LRRC4C: variants seen among roughly 807,000 people sequenced by gnomAD.
The protein encoded by LRRC4C is leucine-rich repeat-containing protein 4C.
LRRC4C carries 5 observed loss-of-function variants against 33.6 expected under a neutral mutation model. That is an observed-to-expected ratio of 0.15 (90% CI 0.08 to 0.31). LRRC4C has a LOEUF of 0.31. Ranked by LOEUF, LRRC4C falls within the 10% of genes least tolerant of loss-of-function variation. The probability of loss-of-function intolerance (pLI) is 1.00; values close to 1 mark genes in which losing one functional copy is unlikely to be tolerated. For missense variants in LRRC4C, 560 were observed against 796.7 expected, an observed-to-expected ratio of 0.70 and a Z score of 3.58; for synonymous variants, 329 against 302.0, an observed-to-expected ratio of 1.09 and a Z score of -0.93.
intron 6 of LRRC4C, among the ~76,000 whole-genome samples, chr11:40,119,889 C>T (rs1855703859): frequency 6.6e-6 from 1 of 152,136 alleles, no homozygotes; most frequent in Non-Finnish European, 1.5e-5. Context: ...ATTCCCCTGC[C>T]CTAATCACCC....
intron 2 of LRRC4C, among the ~76,000 whole-genome samples, chr11:40,878,635 C>G (rs897486403): frequency 6.6e-6 from 1 of 152,204 alleles, no homozygotes; most frequent in African/African-American, 2.4e-5. Flanking sequence ...CTGCCACTCA[C>G]CTCCTACTGT....
chr11:40,276,732 T>C (rs1171402935), intron 4 of LRRC4C, among the ~76,000 whole-genome samples: 1 of 150,868 alleles, frequency 6.6e-6, no homozygotes. Flanking sequence ...TATGTCTGTG[T>C]ATGCAAGCAA....
At chr11:40,934,576 C>T (rs1337874024) in intron 1 of LRRC4C, among the ~76,000 whole-genome samples, 2 of 152,090 alleles carry the variant, frequency 1.3e-5, no homozygotes, top group Non-Finnish European at 2.9e-5. Context: ...CCAATTAAAA[C>T]ACTTTTTTTT....
chr11:40,554,986 G>C (rs12294432), intron 3 of LRRC4C, among the ~76,000 whole-genome samples: 1 of 143,280 alleles, frequency 7.0e-6, no homozygotes, highest in African/African-American at 2.9e-5. Context: ...CTCCCAAAGT[G>C]CTGGGATTAC....
intron 2 of LRRC4C, among the ~76,000 whole-genome samples, chr11:40,822,863 G>A (rs1371657389): frequency 6.6e-6 from 1 of 151,554 alleles, no homozygotes. Flanking sequence ...TGAGAGATAG[G>A]GGTTTAGTTT....
At chr11:41,050,546 G>A (rs1302209203) in intron 1 of LRRC4C, among the ~76,000 whole-genome samples, 1 of 152,004 alleles carries the variant, frequency 6.6e-6, no homozygotes, top group African/African-American at 2.4e-5. Flanking sequence ...CGTGGTGTTT[G>A]GTTTTCTGTT....
rs566090598 is a variant in LRRC4C at position 41,046,071 on chromosome 11, G to A, written c.-495-112348C>T. On this transcript the variant is annotated intron_variant, in intron 1 of 6. Transcript: ENST00000528697. ...CTTTATGAGCATAAATATTTGAACTGGCCATATTTTCCATTTGCATCATCA... is the reference window on the plus strand; with the variant it reads ...CTTTATGAGCATAAATATTTGAACTAGCCATATTTTCCATTTGCATCATCA... Among the ~76,000 whole-genome samples the A allele has an allele frequency of 3.3e-5, 5 of 152,116 alleles. No individual in the cohort carries two copies. In the South Asian group the frequency reaches 6.2e-4, roughly 19 times the overall value.
chr11:41,035,919 A>G (rs1052920079), intron 1 of LRRC4C, among the ~76,000 whole-genome samples: 1 of 152,178 alleles, frequency 6.6e-6, no homozygotes, highest in African/African-American at 2.4e-5. Context: ...GAGAAATGAT[A>G]GAAAATTAAG....
chr11:41,154,446 T>A (rs1944136953), intron 1 of LRRC4C, among the ~76,000 whole-genome samples: 1 of 152,294 alleles, frequency 6.6e-6, no homozygotes, highest in African/African-American at 2.4e-5. Flanking sequence ...GACCAAATTT[T>A]AAAAATTTAT....
At chr11:41,458,516 T>A (rs964213354) in intron 1 of LRRC4C, among the ~76,000 whole-genome samples, 1 of 130,932 alleles carries the variant, frequency 7.6e-6, no homozygotes, top group East Asian at 2.5e-4. Context: ...AAATATTGTC[T>A]GCGTTTCACT....
chr11:40,546,325 T>C (rs953674118), intron 3 of LRRC4C, among the ~76,000 whole-genome samples: 6 of 152,006 alleles, frequency 3.9e-5, no homozygotes, highest in African/African-American at 1.4e-4. Context: ...CCAAGTTCAG[T>C]GAATCTCTAC....
intron 1 of LRRC4C, among the ~76,000 whole-genome samples, chr11:40,939,755 C>T (rs576564917): frequency 6.6e-6 from 1 of 152,204 alleles, no homozygotes; most frequent in Admixed American, 6.6e-5. Context: ...GTGCCATCTT[C>T]CTGAGTAAAT....
At chr11:40,371,643 C>T (rs1948453812) in intron 3 of LRRC4C, among the ~76,000 whole-genome samples, 1 of 152,086 alleles carries the variant, frequency 6.6e-6, no homozygotes, top group Admixed American at 6.6e-5. Context: ...CAACTAATGG[C>T]CCGGTAATGT....
intron 1 of LRRC4C, among the ~76,000 whole-genome samples, chr11:41,456,007 C>T (rs1176505201): frequency 2.0e-5 from 3 of 152,146 alleles, no homozygotes; most frequent in Non-Finnish European, 2.9e-5. Flanking sequence ...TATTGCAAAG[C>T]CCCTGCTCTA....
intron 2 of LRRC4C, among the ~76,000 whole-genome samples, chr11:40,925,719 C>G (rs1253337249): frequency 2.0e-5 from 3 of 152,082 alleles, no homozygotes; most frequent in African/African-American, 4.8e-5. Context: ...GTAGCTGAGT[C>G]CCCATGGTAA....
intron 5 of LRRC4C, among the ~76,000 whole-genome samples, chr11:40,178,741 G>A (rs962942720): frequency 3.3e-5 from 5 of 152,188 alleles, no homozygotes; most frequent in Admixed American, 1.3e-4. Flanking sequence ...CAGGCAGGCC[G>A]TATATTCCTC....
In LRRC4C at chr11:41,077,811, G is replaced by T. The variant is rs138112698; in HGVS notation, c.-495-144088C>A. Among the ~76,000 whole-genome samples, 16 of 152,212 alleles carry T rather than the reference G, an allele frequency of 1.1e-4. No homozygotes were observed. The East Asian group carries it at 3.1e-3, about 29-fold the overall frequency. ...TTCTTTTATTCCACATGGTCACACC[G>T]CAAATTTTCCAAACGTTTATGCTCT... On this transcript the variant is annotated intron_variant, in intron 1 of 6. Transcript: ENST00000528697.
At chr11:40,992,471 T>G (rs1221379829) in intron 1 of LRRC4C, among the ~76,000 whole-genome samples, 1 of 151,102 alleles carries the variant, frequency 6.6e-6, no homozygotes, top group Middle Eastern at 3.2e-3. Flanking sequence ...TTTCTGAGAA[T>G]GTAAAGGGCG....
chr11:40,752,823 T>A (rs1325110208), intron 2 of LRRC4C, among the ~76,000 whole-genome samples: 1 of 152,128 alleles, frequency 6.6e-6, no homozygotes, highest in Non-Finnish European at 1.5e-5. Flanking sequence ...TGCACTTGCA[T>A]GATAATTGTA....
Sources: gnomAD v4.1 joint callset for allele counts (sites outside exome capture counted in the v4.1 genomes callset) on GRCh38, gnomAD v4.1.1 for gene constraint, MANE v1.5 for transcripts, NCBI Gene and HGNC (gene_info 2026-07-23, HGNC 2026-07-21) for gene names.